Variants in LRMDA observed in about 807,000 individuals in gnomAD.
LRMDA encodes the protein leucine rich melanocyte differentiation associated.
A neutral mutation model predicts 29.8 loss-of-function variants in LRMDA; 18 were observed. The ratio of observed to expected loss-of-function variants is 0.60; its 90% CI spans 0.42 to 0.90. The LOEUF is 0.90. LRMDA is among the 40% of genes least tolerant of loss of function. The pLI, the probability that LRMDA is intolerant of heterozygous loss-of-function variation, is 0.00. For missense variants in LRMDA, 273 were observed against 273.9 expected (o/e 1.00, Z 0.02); for synonymous variants, 125 against 109.4 (o/e 1.14, Z -0.89).
At chr10:76,184,705 T>C (rs1393231458) in intron 5 of LRMDA, among the ~76,000 whole-genome samples, 1 of 152,196 alleles carries the variant, frequency 6.6e-6, no homozygotes, top group Non-Finnish European at 1.5e-5. Context: ...CAAGTATGTG[T>C]TGTGGATTGC....
At chr10:76,065,745 T>C (rs899519886) in intron 5 of LRMDA, among the ~76,000 whole-genome samples, 4 of 152,262 alleles carry the variant, frequency 2.6e-5, no homozygotes, top group African/African-American at 9.6e-5. Context: ...TCTCTGCCCT[T>C]GCTGTGGCTC....
intron 2 of LRMDA, among the ~76,000 whole-genome samples, chr10:75,648,897 C>T (rs4745786): frequency 1.3e-5 from 2 of 152,052 alleles, no homozygotes; most frequent in Admixed American, 6.5e-5. Context: ...GTTGAAAACT[C>T]GAACTTCCAG....
chr10:75,994,261 A>G (rs1847421138), intron 2 of LRMDA, among the ~76,000 whole-genome samples: 1 of 152,220 alleles, frequency 6.6e-6, no homozygotes, highest in South Asian at 2.1e-4. Flanking sequence ...AGCTAACCTG[A>G]GATGCAAAGC....
rs1039151516 is a variant in LRMDA at position 76,029,003 on chromosome 10, G to A, written c.132-7005G>A. Among the ~76,000 whole-genome samples the A allele has an allele frequency of 3.9e-5, 6 of 152,060 alleles. No individual in the cohort carries two copies. In the South Asian group the frequency reaches 1.0e-3, roughly 26 times the overall value. ...AGCTAATTTTTGTATTTTTAGTAGA[G>A]ACGAGGTTTCACCATGTTGGCCAGG... On this transcript the variant is annotated intron_variant, in intron 2 of 6. Coordinates refer to ENST00000611255, the MANE Select transcript of LRMDA (RefSeq NM_001305581.2).
At chr10:75,579,584 A>G (rs1289541086) in intron 2 of LRMDA, among the ~76,000 whole-genome samples, 1 of 152,252 alleles carries the variant, frequency 6.6e-6, no homozygotes, top group Non-Finnish European at 1.5e-5. Context: ...GGCCAGCATC[A>G]TCCTCATACC....
At chr10:75,490,737 T>A (rs1303758592) in intron 2 of LRMDA, among the ~76,000 whole-genome samples, 1 of 152,210 alleles carries the variant, frequency 6.6e-6, no homozygotes, top group East Asian at 1.9e-4. Flanking sequence ...TCCATCTATG[T>A]GACCCTACCA....
chr10:75,948,070 C>G (rs1846507625), intron 2 of LRMDA, among the ~76,000 whole-genome samples: 1 of 152,154 alleles, frequency 6.6e-6, no homozygotes, highest in Non-Finnish European at 1.5e-5. Context: ...CACTCACATG[C>G]CCACTGTATA....
chr10:75,981,450 A>G (rs374172111), intron 2 of LRMDA, among the ~76,000 whole-genome samples: 1 of 152,156 alleles, frequency 6.6e-6, no homozygotes, highest in African/African-American at 2.4e-5. Flanking sequence ...ATCTTCATCT[A>G]TTGAAATAAC....
chr10:76,540,195 CACACATGT>C (rs1203368569), intron 6 of LRMDA, among the ~76,000 whole-genome samples: 1 of 150,576 alleles, frequency 6.6e-6, no homozygotes, highest in African/African-American at 2.5e-5. Flanking sequence ...TTAGTGCCTG[CACACATGT>C]GCACATGTGC....
intron 6 of LRMDA, among the ~76,000 whole-genome samples, chr10:76,492,753 A>G (rs1439488225): frequency 6.6e-6 from 1 of 152,034 alleles, no homozygotes; most frequent in Admixed American, 6.6e-5. Flanking sequence ...TTCACAGGGC[A>G]GAAGGAGAGA....
At chr10:75,546,306 G>T (rs987058668) in intron 2 of LRMDA, among the ~76,000 whole-genome samples, 2 of 152,194 alleles carry the variant, frequency 1.3e-5, no homozygotes, top group African/African-American at 4.8e-5. Flanking sequence ...AGACCTTGCT[G>T]CCTTCAAAGA....
intron 6 of LRMDA, among the ~76,000 whole-genome samples, chr10:76,465,997 A>G (rs1842561248): frequency 6.6e-6 from 1 of 152,132 alleles, no homozygotes; most frequent in African/African-American, 2.4e-5. Context: ...ATCATCAGTC[A>G]CTTTCTGAGG....
chr10:75,734,208 A>T (rs1301417617), intron 2 of LRMDA, among the ~76,000 whole-genome samples: 5 of 152,146 alleles, frequency 3.3e-5, no homozygotes, highest in African/African-American at 9.7e-5. Context: ...ATGAACTTGG[A>T]TATGCAAGAA....
At chr10:75,986,260 C>A (rs1377249985) in intron 2 of LRMDA, among the ~76,000 whole-genome samples, 1 of 152,160 alleles carries the variant, frequency 6.6e-6, no homozygotes, top group African/African-American at 2.4e-5. Flanking sequence ...ACTACAATCT[C>A]GTGAAACTCT....
chr10:76,079,545 A>T (rs1849017374), intron 5 of LRMDA, among the ~76,000 whole-genome samples: 1 of 152,168 alleles, frequency 6.6e-6, no homozygotes, highest in African/African-American at 2.4e-5. Context: ...GGCAGTTTGG[A>T]AAAAGGCTTG....
intron 2 of LRMDA, among the ~76,000 whole-genome samples, chr10:75,990,278 C>T (rs2132458551): frequency 6.6e-6 from 1 of 152,160 alleles, no homozygotes; most frequent in African/African-American, 2.4e-5. Context: ...TGGATTTCTG[C>T]TTAGCATTTA....
intron 6 of LRMDA, among the ~76,000 whole-genome samples, chr10:76,548,589 A>G (rs775607223): frequency 2.6e-4 from 39 of 152,232 alleles, no homozygotes; most frequent in Admixed American, 1.3e-4. Context: ...TTGACCTCTC[A>G]TATTTATAAT....
intron 6 of LRMDA, among the ~76,000 whole-genome samples, chr10:76,418,805 A>C (rs1842044904): frequency 6.6e-6 from 1 of 152,034 alleles, no homozygotes. Flanking sequence ...TTTCAACATC[A>C]ATGGGTATTG....
Position 76,520,771 on chromosome 10 carries a change from G to T in LRMDA, c.602-36438G>T, listed in dbSNP as rs1843110428. On this transcript the variant is annotated intron_variant, in intron 6 of 6. Coordinates refer to ENST00000611255, the MANE Select transcript of LRMDA (RefSeq NM_001305581.2). ...TGCACATTTCAAATTCTCAGGCTTT[G>T]CTGAGAATGTTCTTTGCCAGGGATA... 4.6e-5 allele frequency among the ~76,000 whole-genome samples: 7 copies of T among 152,188 alleles called. 1 individual carries two copies. The South Asian group carries it at 1.5e-3, about 32-fold the overall frequency.
Sources: gnomAD v4.1 joint callset for allele counts (sites outside exome capture counted in the v4.1 genomes callset) on GRCh38, gnomAD v4.1.1 for gene constraint, MANE v1.5 for transcripts, NCBI Gene and HGNC (gene_info 2026-07-23, HGNC 2026-07-21) for gene names.